PLIN2: variants seen among roughly 807,000 people sequenced by gnomAD.
The protein encoded by PLIN2 is perilipin-2.
PLIN2 carries 33 observed loss-of-function variants against 30.6 expected under a neutral mutation model. The ratio of observed to expected loss-of-function variants is 1.08; its 90% CI spans 0.82 to 1.44. The LOEUF (loss-of-function observed/expected upper bound fraction) is 1.44, where lower values mean the gene tolerates loss of function less well. Among genes scored for constraint, PLIN2 ranks in the 40% most tolerant of loss-of-function variants. The pLI, the probability that PLIN2 is intolerant of heterozygous loss-of-function variation, is 0.00. For synonymous variants in PLIN2, 205 were observed against 201.1 expected, an observed-to-expected ratio of 1.02 and a Z score of -0.16; for missense variants, 610 against 531.8, an observed-to-expected ratio of 1.15 and a Z score of -1.45.
At chr9:19,120,406 T>G (rs890342642) in intron 5 of PLIN2, among the ~76,000 whole-genome samples, 1 of 152,170 alleles carries the variant, frequency 6.6e-6, no homozygotes, top group Non-Finnish European at 1.5e-5. Context: ...TAATGATGAT[T>G]CTTTGTAAGG....
At chr9:19,116,685 C>A in intron 7 of PLIN2, 36 bp from the exon 8 acceptor site, 1 of 1,580,492 alleles carries the variant, frequency 6.3e-7, no homozygotes, top group Non-Finnish European at 8.6e-7. Flanking sequence ...GTGGATCCAA[C>A]AGTGCTATGT....
chr9:19,123,386 G>A (rs762200186), intron 4 of PLIN2, 179 bp downstream of exon 4: 5 of 1,551,374 alleles, frequency 3.2e-6, no homozygotes, highest in Non-Finnish European at 4.4e-6. Context: ...CTGCTTCGTA[G>A]ATACAACTTG....
downstream of PLIN2, among the ~76,000 whole-genome samples, chr9:19,113,868 G>A (rs561737581): frequency 1.7e-3 from 256 of 149,266 alleles, 1 homozygote; most frequent in African/African-American, 3.0e-3. Context: ...TCCACCTCCC[G>A]GGTTCAAACG....
At chr9:19,120,810 G>A (rs946493868) in intron 5 of PLIN2, 70 bp downstream of exon 5, 3 of 1,218,818 alleles carry the variant, frequency 2.5e-6, no homozygotes, top group Non-Finnish European at 3.6e-6. Flanking sequence ...CAAGATGAGA[G>A]TATATGTCAA....
rs373607837 is a variant in PLIN2, at chr9:19,126,454, G to A, written c.-22-6C>T. The A allele has an allele frequency of 7.7e-6, 12 of 1,565,060 alleles. No homozygotes were observed. The highest frequency in any genetic ancestry group is 9.7e-6 in the Non-Finnish European group (11 of 1,136,850). ...TTCTTCCTGGAGAAAGAAATCTGCA[G>A]AAAAGAGACTTATTTCAGAACACCG... On this transcript the variant is annotated splice_polypyrimidine_tract_variant and splice_region_variant and intron_variant, in intron 1 of 7. Transcript: ENST00000276914.
In PLIN2 at chr9:19,126,254, A is replaced by C; in HGVS notation, c.86T>G (p.Met29Arg). 6.2e-7 allele frequency: 1 copy of C among 1,614,214 alleles called. No individual in the cohort carries two copies. The highest frequency in any genetic ancestry group is 8.5e-7 in the Non-Finnish European group (1 of 1,180,026). Residue 29 changes from methionine to arginine, a missense_variant, in exon 3 of 8, where the codon ATG becomes AGG. Transcript: ENST00000276914. Reference sequence around the variant, plus strand: ...CTTTGTACTGAGATAGGCTGAGGACATGAGGTCATACGTGGAGCTCACCAA... The same window carrying C: ...CTTTGTACTGAGATAGGCTGAGGACCTGAGGTCATACGTGGAGCTCACCAA... Reference protein sequence around the residue: ...LPLVSSTYDLMSSAYLSTKDQ... With the variant: ...LPLVSSTYDLRSSAYLSTKDQ...
intron 7 of PLIN2, among the ~76,000 whole-genome samples, chr9:19,117,525 A>G (rs1452611171): frequency 6.6e-6 from 1 of 151,624 alleles, no homozygotes; most frequent in Non-Finnish European, 1.5e-5. Flanking sequence ...TTATTCACCC[A>G]TTAGTTCTCA....
chr9:19,116,124 T>C lies in PLIN2; in HGVS notation c.*124A>G. ...AGCTCTTAATTCAGCTGGAAACAAC[T>C]ACAATTGAGGGCCTTTATACTAGCT... On this transcript the variant is annotated 3_prime_UTR_variant, in exon 8 of 8. Transcript: ENST00000276914. 1 of 845,576 alleles carries C rather than the reference T, an allele frequency of 1.2e-6. No homozygotes were observed. The allele number at this position is 845,576 out of a possible 1,614,324, so 52.4% of individuals were successfully genotyped here.
At chr9:19,113,113 C>T (rs537713854), downstream of PLIN2, among the ~76,000 whole-genome samples, 9 of 151,960 alleles carry the variant, frequency 5.9e-5, no homozygotes, top group East Asian at 1.9e-4. Flanking sequence ...GAGGCCGAAG[C>T]GGGCAGATCA....
intron 4 of PLIN2, chr9:19,123,215 A>G (rs1056163903): frequency 1.6e-5 from 12 of 773,328 alleles, no homozygotes; most frequent in Admixed American, 1.4e-4. Context: ...GCAGCATTGT[A>G]CAAGCCAGGT....
At position 19,116,375 on chromosome 9, in the gene PLIN2, G is replaced by A. The variant is rs772868040; in HGVS notation, c.1187C>T (p.Thr396Met). 6.1e-5 allele frequency: 98 copies of A among 1,614,062 alleles called. No individual in the cohort carries two copies. The Admixed American group carries it at 1.3e-3, about 22-fold the overall frequency. ...DDVMDYLVNNTPLNWLVGPFY... is the reference protein window; with the variant it reads ...DDVMDYLVNNMPLNWLVGPFY... ...GGGACCTACCAGCCAGTTGAGGGGCGTGTTGTTAACAAGATAATCCATCAC... is the reference window on the plus strand; with the variant it reads ...GGGACCTACCAGCCAGTTGAGGGGCATGTTGTTAACAAGATAATCCATCAC... Residue 396 changes from threonine to methionine, a missense_variant, in exon 8 of 8, where the codon ACG becomes ATG. Transcript: ENST00000276914.
At chr9:19,114,194 C>G (rs1216250742), downstream of PLIN2, among the ~76,000 whole-genome samples, 1 of 151,328 alleles carries the variant, frequency 6.6e-6, no homozygotes, top group Non-Finnish European at 1.5e-5. Flanking sequence ...GGATTACCAG[C>G]ATGAGTCACC....
chr9:19,118,906 T>C (rs940552510), intron 6 of PLIN2, among the ~76,000 whole-genome samples: 3 of 152,194 alleles, frequency 2.0e-5, no homozygotes, highest in African/African-American at 7.2e-5. Flanking sequence ...TTGGCCAGAC[T>C]GGTCTCGAAC....
At chr9:19,112,320 T>A (rs1208944697), downstream of PLIN2, among the ~76,000 whole-genome samples, 1 of 152,164 alleles carries the variant, frequency 6.6e-6, no homozygotes, top group Non-Finnish European at 1.5e-5. Context: ...TTAGCCTTAG[T>A]CAGTATTTTC....
chr9:19,121,719 G>C (rs1818320319), intron 4 of PLIN2, among the ~76,000 whole-genome samples: 1 of 152,088 alleles, frequency 6.6e-6, no homozygotes, highest in African/African-American at 2.4e-5. Flanking sequence ...ATCACCTGAG[G>C]TTAGGAGTTC....
At position 19,123,568 on chromosome 9, in the gene PLIN2, A is replaced by G; in HGVS notation, c.306T>C (p.Thr102=). The change falls in exon 4 of 8, where the codon ACT becomes ACC. Residue 102 remains threonine, a synonymous_variant. Transcript: ENST00000276914. ...AGCACTTTTGTCCCAAGCTCACCTG[A>G]GTTGATGGCTGATTCAGAATAGGCA... ...ERLPILNQPS[T]QIVANAKGAV... is the part of the protein sequence containing the mutation. 1 of 1,614,208 alleles carries G rather than the reference A, an allele frequency of 6.2e-7. No homozygotes were observed. Among genetic ancestry groups the G allele is most frequent in the Non-Finnish European group, 8.5e-7 (1 of 1,180,030 alleles).
intron 7 of PLIN2, among the ~76,000 whole-genome samples, chr9:19,117,468 T>C (rs924908688): frequency 6.6e-6 from 1 of 152,036 alleles, no homozygotes; most frequent in East Asian, 1.9e-4. Flanking sequence ...CAAGATGCTA[T>C]GCCTTCCCTC....
At chr9:19,108,911 A>G (rs560881865) in intron 2 of PLIN2, among the ~76,000 whole-genome samples, 11 of 152,346 alleles carry the variant, frequency 7.2e-5, no homozygotes, top group South Asian at 2.1e-4. Flanking sequence ...ATTCCCTCAT[A>G]CTATAAAAGC....
At chr9:19,111,483 A>G (rs948510718), downstream of PLIN2, among the ~76,000 whole-genome samples, 3 of 152,186 alleles carry the variant, frequency 2.0e-5, no homozygotes, top group Non-Finnish European at 4.4e-5. Flanking sequence ...TGAGCACTCT[A>G]TTCCTGACTC....
Sources: gnomAD v4.1 joint callset for allele counts (sites outside exome capture counted in the v4.1 genomes callset) on GRCh38, gnomAD v4.1.1 for gene constraint, MANE v1.5 for transcripts, NCBI Gene and HGNC (gene_info 2026-07-23, HGNC 2026-07-21) for gene names.